The following GOLGA3 variants were observed in gnomAD, a reference collection of about 807,000 sequenced individuals.
The protein encoded by GOLGA3 is golgin subfamily A member 3.
Under a neutral mutation model 169.4 loss-of-function variants are expected in GOLGA3, and 75 were observed. That is an observed-to-expected ratio of 0.44 (90% CI 0.37 to 0.54). GOLGA3 has a LOEUF of 0.54. Among genes scored for constraint, GOLGA3 ranks in the 20% least tolerant of loss-of-function variants. The pLI is 0.00. For missense variants in GOLGA3, 1,899 were observed against 1,930.0 expected (o/e 0.98, Z 0.30); for synonymous variants, 824 against 822.4 (o/e 1.00, Z -0.03).
At position 132,816,486 on chromosome 12, in the gene GOLGA3, G is replaced by A. The variant is rs575408118; in HGVS notation, c.406+54C>T. On this transcript the variant is annotated intron_variant, in intron 3 of 23. Transcript: ENST00000450791. The stretch of plus-strand genomic sequence containing the variant: ...AGTGCGCAGGGCACCTGCTCCCAAG[G>A]GGCTGAGCGACGCGGACGTGGAGGG... The A allele has an allele frequency of 8.9e-6, 14 of 1,572,888 alleles. No homozygotes were observed. The African/African-American group carries it at 1.3e-4, about 15-fold the overall frequency.
chr12:132,812,797 G>A (rs1949781663), intron 4 of GOLGA3, among the ~76,000 whole-genome samples: 1 of 152,238 alleles, frequency 6.6e-6, no homozygotes, highest in Non-Finnish European at 1.5e-5. Flanking sequence ...GCGGTTTTAA[G>A]AAATTACCAC....
intron 1 of GOLGA3, among the ~76,000 whole-genome samples, chr12:132,823,763 G>C (rs1950308158): frequency 6.6e-6 from 1 of 151,346 alleles, no homozygotes; most frequent in African/African-American, 2.4e-5. Flanking sequence ...CTCCAGCCTG[G>C]GCAACAAGAG....
chr12:132,789,608 C>A (rs1352380962), intron 12 of GOLGA3, among the ~76,000 whole-genome samples: 1 of 152,184 alleles, frequency 6.6e-6, no homozygotes, highest in Non-Finnish European at 1.5e-5. Flanking sequence ...ACAGGTAATC[C>A]CCTTGCTTGT....
intron 11 of GOLGA3, among the ~76,000 whole-genome samples, chr12:132,792,864 G>A (rs113671996): frequency 2.8e-5 from 3 of 108,776 alleles, no homozygotes; most frequent in African/African-American, 1.1e-4. Context: ...ACCTGCACTC[G>A]GAGGGCTCCA....
chr12:132,796,285 C>T, intron 10 of GOLGA3, 65 bp from the exon 11 acceptor site: 1 of 1,506,060 alleles, frequency 6.6e-7, no homozygotes, highest in South Asian at 1.3e-5. Context: ...TGCCCTTTTC[C>T]TGTTCGGGTT....
chr12:132,805,104 A>C, intron 6 of GOLGA3, 82 bp from the exon 7 acceptor site: 1 of 1,463,944 alleles, frequency 6.8e-7, no homozygotes, highest in East Asian at 2.4e-5. Flanking sequence ...ACAACCAGCG[A>C]GTCAGTCAGG....
At chr12:132,779,442 A>G (rs935373240) in intron 18 of GOLGA3, among the ~76,000 whole-genome samples, 13 of 152,240 alleles carry the variant, frequency 8.5e-5, no homozygotes, top group African/African-American at 3.1e-4. Flanking sequence ...CCCTTAAAAA[A>G]AATCAAGAAC....
In GOLGA3 at chr12:132,771,848, C is replaced by T. The variant is rs1453323008; in HGVS notation, c.*1257G>A. The T allele has an allele frequency of 1.9e-5, 2 of 104,068 alleles. No homozygotes were observed. The highest frequency in any genetic ancestry group is 5.4e-5 in the Non-Finnish European group (2 of 37,306). 6.4% of individuals were successfully genotyped at this position (104,068 alleles called of 1,614,324 possible). ...CGCTGCAGGGAGCCCCTGGTCTGCTCTCCTCCTCCTCCTCCACCGGCCTCT... is the reference window on the plus strand; with the variant it reads ...CGCTGCAGGGAGCCCCTGGTCTGCTTTCCTCCTCCTCCTCCACCGGCCTCT... On this transcript the variant is annotated 3_prime_UTR_variant, in exon 24 of 24. Transcript: ENST00000450791.
Position 132,782,836 on chromosome 12 carries a change from C to A in GOLGA3, c.3268-343G>T, listed in dbSNP as rs183854168. 2.1e-4 allele frequency among the ~76,000 whole-genome samples: 32 copies of A among 151,218 alleles called. 1 individual carries two copies. The East Asian group carries it at 5.8e-3, about 28-fold the overall frequency. On this transcript the variant is annotated intron_variant, in intron 16 of 23. Transcript: ENST00000450791. ...GGTTGCAGTGAGCTGAGATTGTGCC[C>A]CTGCACTCCAGCCTGGGCAACACAG... is the stretch of plus-strand genomic sequence containing the variant.
In GOLGA3 at chr12:132,773,101, G is replaced by C; in HGVS notation, c.*4C>G. On this transcript the variant is annotated 3_prime_UTR_variant, in exon 24 of 24. Coordinates refer to ENST00000450791, the MANE Select transcript of GOLGA3 (RefSeq NM_001389683.1). ...AGCGGCGCACGGAGGCGAGTCCACA[G>C]CAGTCACTCTCCCGGCCCTTCTTTG... 6.4e-7 allele frequency: 1 copy of C among 1,566,516 alleles called. No individual in the cohort carries two copies. The highest frequency in any genetic ancestry group is 1.7e-4 in the Middle Eastern group (1 of 5,972).
Position 132,782,339 on chromosome 12 carries a change from G to A in GOLGA3, c.3422C>T (p.Ala1141Val). Reference sequence around the variant, plus strand: ...TAGGTCTGCCTCCCTCTTGGCCAAAGCTGTTTCTAGGATGCTGTTGTGTTC... The same window carrying A: ...TAGGTCTGCCTCCCTCTTGGCCAAAACTGTTTCTAGGATGCTGTTGTGTTC... ...LREHNSILET[A>V]LAKREADLVQ... The change falls in exon 17 of 24, where the codon GCT becomes GTT. Residue 1141 changes from alanine (A) to valine (V), a missense_variant. By Grantham distance (64) the Ala-to-Val change is moderately conservative. Coordinates refer to ENST00000450791, the MANE Select transcript of GOLGA3 (RefSeq NM_001389683.1). The A allele has an allele frequency of 1.2e-6, 2 of 1,614,230 alleles. No homozygotes were observed. The highest frequency in any genetic ancestry group is 4.5e-5 in the East Asian group (2 of 44,884).
At chr12:132,778,590 CAAAT>C (rs1456226944) in intron 18 of GOLGA3, among the ~76,000 whole-genome samples, 4 of 150,778 alleles carry the variant, frequency 2.7e-5, no homozygotes, top group African/African-American at 7.3e-5. Flanking sequence ...AAAAAATAAA[CAAAT>C]AAATAAATAA....
rs1361391489 is a variant in GOLGA3, at chr12:132,816,770, T to G, written c.176A>C (p.Asp59Ala). ...ACAGAGGCCTCCCTGGCCAGGTCCA[T>G]CCGGGCTTTCCCCTTCCGTGGATGC... ...NRASTEGESP[D>A]GPGQGGLCQN... The change falls in exon 3 of 24, where the codon GAT becomes GCT. Residue 59 changes from aspartate to alanine, a missense_variant. Physicochemically the swap from Asp to Ala is moderately radical, Grantham distance 126. Coordinates refer to ENST00000450791, the MANE Select transcript of GOLGA3 (RefSeq NM_001389683.1). 1 of 1,609,622 alleles carries G rather than the reference T, an allele frequency of 6.2e-7. No individual in the cohort carries two copies. The highest frequency in any genetic ancestry group is 8.5e-7 in the Non-Finnish European group (1 of 1,176,462).
At chr12:132,783,376 T>C (rs1021738307) in intron 16 of GOLGA3, among the ~76,000 whole-genome samples, 1 of 152,184 alleles carries the variant, frequency 6.6e-6, no homozygotes, top group African/African-American at 2.4e-5. Context: ...GAGAAGTCTG[T>C]CCAGGCACTG....
intron 12 of GOLGA3, among the ~76,000 whole-genome samples, chr12:132,790,048 C>G (rs1439187718): frequency 6.6e-6 from 1 of 151,878 alleles, no homozygotes; most frequent in African/African-American, 2.4e-5. Context: ...AACTAAATTA[C>G]AGGCCGGGCG....
chr12:132,814,978 G>A lies in GOLGA3; in HGVS notation c.407-1559C>T, dbSNP rs535708340. 1.1e-4 allele frequency among the ~76,000 whole-genome samples: 17 copies of A among 152,264 alleles called. No individual in the cohort carries two copies. In the South Asian group the frequency reaches 3.1e-3, roughly 28 times the overall value. Reference sequence around the variant, plus strand: ...GACACCGCCCGACGGCCTGGGTGCCGACCAGAGTAGGAAAGCATAATCACA... The same window carrying A: ...GACACCGCCCGACGGCCTGGGTGCCAACCAGAGTAGGAAAGCATAATCACA... On this transcript the variant is annotated intron_variant, in intron 3 of 23. Coordinates refer to ENST00000450791, the MANE Select transcript of GOLGA3 (RefSeq NM_001389683.1).
At chr12:132,794,680 T>C (rs1029729995) in intron 11 of GOLGA3, among the ~76,000 whole-genome samples, 2 of 152,258 alleles carry the variant, frequency 1.3e-5, no homozygotes. Flanking sequence ...TGTTTCTTAC[T>C]GAGCTAATGG....
At chr12:132,820,408 G>C (rs181654282) in intron 2 of GOLGA3, among the ~76,000 whole-genome samples, 1 of 152,178 alleles carries the variant, frequency 6.6e-6, no homozygotes, top group Non-Finnish European at 1.5e-5. Context: ...CGTCTTGCTC[G>C]AGGGCACATT....
chr12:132,783,762 G>A (rs1404785540), intron 16 of GOLGA3: 5 of 437,500 alleles, frequency 1.1e-5, no homozygotes, highest in Middle Eastern at 6.9e-4. Context: ...ATTTTTAGTA[G>A]AGATGGGGTT....
Sources: gnomAD v4.1 joint callset for allele counts (sites outside exome capture counted in the v4.1 genomes callset) on GRCh38, gnomAD v4.1.1 for gene constraint, MANE v1.5 for transcripts, NCBI Gene and HGNC (gene_info 2026-07-23, HGNC 2026-07-21) for gene names.